HDAC4: variants seen among roughly 807,000 people sequenced by gnomAD.
HDAC4 encodes the protein histone deacetylase A.
Under a neutral mutation model 135.1 loss-of-function variants are expected in HDAC4, and 16 were observed. The observed-to-expected ratio is 0.12, with a 90% confidence interval of 0.08 to 0.18. The LOEUF (loss-of-function observed/expected upper bound fraction) is 0.18. HDAC4 is among the 10% of genes least tolerant of loss of function. The pLI, the probability that HDAC4 is intolerant of heterozygous loss-of-function variation, is 1.00. For missense variants in HDAC4, 1,143 were observed against 1,511.8 expected (o/e 0.76, Z 4.05); for synonymous variants, 685 against 653.4 (o/e 1.05, Z -0.74).
intron 2 of HDAC4, among the ~76,000 whole-genome samples, chr2:239,270,541 G>A (rs1559309304): frequency 1.3e-5 from 2 of 152,188 alleles, no homozygotes; most frequent in East Asian, 3.8e-4. Context: ...GAAATAGTCC[G>A]GGGGCTAAAA....
At chr2:239,217,009 C>A (rs761133392) in intron 3 of HDAC4, among the ~76,000 whole-genome samples, 2 of 152,182 alleles carry the variant, frequency 1.3e-5, no homozygotes, top group Non-Finnish European at 2.9e-5. Flanking sequence ...CCAGTGTAAC[C>A]CCAAACCCCG....
chr2:239,140,500 C>T lies in HDAC4; in HGVS notation c.866-704G>A, dbSNP rs556730859. Among the ~76,000 whole-genome samples the T allele has an allele frequency of 1.7e-3, 252 of 152,282 alleles. 1 individual carries two copies. The highest frequency in any genetic ancestry group is 2.9e-3 in the Non-Finnish European group (194 of 68,022). ...GGCACACACATCCACCGTGGGAGGC[C>T]GCTGAGGCTCTCGATATTCACACAA... is the stretch of plus-strand genomic sequence containing the variant. On this transcript the variant is annotated intron_variant, in intron 8 of 26. Transcript: ENST00000543185.
chr2:239,342,942 G>A (rs1330065395), intron 2 of HDAC4, among the ~76,000 whole-genome samples: 1 of 152,230 alleles, frequency 6.6e-6, no homozygotes, highest in African/African-American at 2.4e-5. Context: ...CTAGCTCCCT[G>A]AGAGGCAGAA....
intron 2 of HDAC4, among the ~76,000 whole-genome samples, chr2:239,269,886 G>T (rs1226873750): frequency 6.6e-6 from 1 of 152,212 alleles, no homozygotes; most frequent in East Asian, 1.9e-4. Flanking sequence ...ACGACCCAAG[G>T]CTGGCTCGGA....
At chr2:239,076,755 G>A (rs550920653) in intron 22 of HDAC4, among the ~76,000 whole-genome samples, 17 of 152,320 alleles carry the variant, frequency 1.1e-4, no homozygotes, top group African/African-American at 4.1e-4. Context: ...GGGCCTCCAG[G>A]TGGAGATGCT....
rs1044075989 is a variant in HDAC4 at position 239,349,103 on chromosome 2, C to T, written c.22+3575G>A. ...GCCTGCCCAGGGAGTGAGGGCGGCA[C>T]GGGCACCCACACCAGGCCACACAGG... On this transcript the variant is annotated intron_variant, in intron 2 of 26. Transcript: ENST00000543185. This position sits in a 1 kb window ranked among gnomAD's most constrained non-coding sequence, Gnocchi z 5.7. Among the ~76,000 whole-genome samples, 1 of 152,162 alleles carries T rather than the reference C, an allele frequency of 6.6e-6. No homozygotes were observed. The highest frequency in any genetic ancestry group is 2.4e-5 in the African/African-American group (1 of 41,440).
chr2:239,063,182 G>A (rs2033010560), intron 24 of HDAC4, among the ~76,000 whole-genome samples: 2 of 152,030 alleles, frequency 1.3e-5, no homozygotes, highest in African/African-American at 2.4e-5. Context: ...CTCCCAAGCC[G>A]GGCCGTGGCC....
chr2:239,136,961 A>C (rs1157937343), intron 9 of HDAC4, among the ~76,000 whole-genome samples: 1 of 151,732 alleles, frequency 6.6e-6, no homozygotes, highest in Non-Finnish European at 1.5e-5. Flanking sequence ...TGAGGAAAAC[A>C]TTTTTCCTAG....
intron 2 of HDAC4, among the ~76,000 whole-genome samples, chr2:239,277,199 T>C (rs1049633804): frequency 1.3e-5 from 2 of 152,070 alleles, no homozygotes; most frequent in Admixed American, 6.5e-5. Flanking sequence ...GAAGAAAACA[T>C]GTATTTGGAG....
chr2:239,157,994 AC>A (rs370589267), intron 6 of HDAC4, among the ~76,000 whole-genome samples: 91 of 152,188 alleles, frequency 6.0e-4, no homozygotes, highest in African/African-American at 1.6e-3. Flanking sequence ...CACACCTCCA[AC>A]CCCAAGCAGC....
intron 2 of HDAC4, among the ~76,000 whole-genome samples, chr2:239,341,163 A>G (rs967447542): frequency 2.0e-5 from 3 of 152,246 alleles, no homozygotes; most frequent in Admixed American, 6.5e-5. Flanking sequence ...CCACTAGTAC[A>G]TCAGAAAGAA....
intron 2 of HDAC4, among the ~76,000 whole-genome samples, chr2:239,256,412 A>G (rs1476677905): frequency 6.6e-6 from 1 of 152,252 alleles, no homozygotes; most frequent in Non-Finnish European, 1.5e-5. Context: ...GATTCAGAAC[A>G]ACACATGGGG....
chr2:239,083,817 G>T (rs1407279775), intron 20 of HDAC4, among the ~76,000 whole-genome samples: 1 of 152,174 alleles, frequency 6.6e-6, no homozygotes, highest in Non-Finnish European at 1.5e-5. Flanking sequence ...GGTCCTCCCA[G>T]GCTCCCAGGC....
At chr2:239,147,365 G>A (rs138020702) in intron 7 of HDAC4, among the ~76,000 whole-genome samples, 28 of 152,356 alleles carry the variant, frequency 1.8e-4, no homozygotes, top group Non-Finnish European at 3.8e-4. Flanking sequence ...AAGACATAGG[G>A]ACCTACAATA....
intron 2 of HDAC4, chr2:239,298,105 TAA>T: frequency 1.2e-6 from 1 of 853,134 alleles, no homozygotes; most frequent in Non-Finnish European, 1.7e-6. Flanking sequence ...TTTCACAGGA[TAA>T]AAAAAATTAA....
intron 12 of HDAC4, among the ~76,000 whole-genome samples, chr2:239,117,361 G>A (rs1319366221): frequency 1.3e-5 from 2 of 152,192 alleles, no homozygotes; most frequent in Admixed American, 6.5e-5. Context: ...AGAAAGAACA[G>A]GTTTCCATGA....
chr2:239,386,560 T>C (rs1169600871), intron 1 of HDAC4, among the ~76,000 whole-genome samples: 1 of 152,178 alleles, frequency 6.6e-6, no homozygotes, highest in Non-Finnish European at 1.5e-5. Flanking sequence ...TGCAGAGGCA[T>C]GCTTGGAGCA....
intron 12 of HDAC4, among the ~76,000 whole-genome samples, chr2:239,123,137 T>C (rs1301496917): frequency 1.3e-5 from 2 of 152,244 alleles, no homozygotes; most frequent in African/African-American, 4.8e-5. Context: ...GGCATGTGAA[T>C]AGGTGTTTCC....
At chr2:239,084,951 CAA>C (rs1229866425) in intron 19 of HDAC4, among the ~76,000 whole-genome samples, 3 of 149,010 alleles carry the variant, frequency 2.0e-5, no homozygotes, top group African/African-American at 7.5e-5. Flanking sequence ...CACACACACA[CAA>C]ACCACAGACA....
Sources: gnomAD v4.1 joint callset for allele counts (sites outside exome capture counted in the v4.1 genomes callset) on GRCh38, gnomAD v4.1.1 for gene constraint, Gnocchi (gnomAD v3.1) non-coding constraint, MANE v1.5 for transcripts, NCBI Gene and HGNC (gene_info 2026-07-23, HGNC 2026-07-21) for gene names.